DNAI4: variants seen among roughly 807,000 people sequenced by gnomAD.
DNAI4 encodes WD repeat domain 78.
Under a neutral mutation model 105.8 loss-of-function variants are expected in DNAI4, and 85 were observed. The ratio of observed to expected loss-of-function variants is 0.80; its 90% confidence interval spans 0.67 to 0.96. The LOEUF is 0.96. DNAI4 is among the 40% of genes least tolerant of loss of function. The pLI is 0.00. For synonymous variants in DNAI4, 352 were observed against 331.5 expected (o/e 1.06, Z -0.67); for missense variants, 1,014 against 1,005.6 (o/e 1.01, Z -0.11).
intron 1 of DNAI4, among the ~76,000 whole-genome samples, chr1:66,907,862 T>G (rs1314944790): frequency 6.6e-6 from 1 of 152,192 alleles, no homozygotes; most frequent in Non-Finnish European, 1.5e-5. Context: ...GCATTTCCTA[T>G]TTTTCCAGCT....
intron 9 of DNAI4, 123 bp from the exon 10 acceptor site, chr1:66,837,919 A>G: frequency 1.1e-6 from 1 of 936,832 alleles, no homozygotes. Flanking sequence ...ATCTGAGAGG[A>G]AAAAATGCCA....
At chr1:66,835,531 A>T (rs1645965979) in intron 11 of DNAI4, 95 bp downstream of exon 11, 1 of 1,316,218 alleles carries the variant, frequency 7.6e-7, no homozygotes, top group Non-Finnish European at 1.1e-6. Context: ...CACTCTCAGT[A>T]ACAACAAAAA....
At chr1:66,814,289 A>G (rs1356912854) in intron 16 of DNAI4, 109 bp from the exon 17 acceptor site, 3 of 749,082 alleles carry the variant, frequency 4.0e-6, no homozygotes, top group East Asian at 2.7e-5. Flanking sequence ...CACATATCCA[A>G]TAAGATTGTA....
intron 2 of DNAI4, among the ~76,000 whole-genome samples, chr1:66,903,989 A>G (rs1320638400): frequency 6.7e-6 from 1 of 150,312 alleles, no homozygotes; most frequent in African/African-American, 2.5e-5. Context: ...AATTTTATAT[A>G]TATATAAATA....
chr1:66,874,542 T>C (rs1646920735), intron 5 of DNAI4, among the ~76,000 whole-genome samples: 1 of 152,182 alleles, frequency 6.6e-6, no homozygotes, highest in African/African-American at 2.4e-5. Flanking sequence ...TTTAAAAATA[T>C]GGTAAAGCTA....
rs775900547 is a variant in DNAI4, at chr1:66,840,555, C to T, written c.1408G>A (p.Ala470Thr). ...AAAGACCAAAGTCGTTCCAAGTTGG[C>T]GGGTATTGTTGATTCTTCTGCATGT... is the stretch of plus-strand genomic sequence containing the variant. ...EIHAEESTIP[A>T]NLERLWSFSC... The change falls in exon 9 of 17, where the codon GCC (alanine) becomes ACC (threonine). Residue 470 changes from alanine to threonine, a missense_variant. Transcript: ENST00000371026. The T allele has an allele frequency of 6.2e-6, 10 of 1,614,062 alleles. No homozygotes were observed. Among genetic ancestry groups the T allele is most frequent in the African/African-American group, 2.7e-5 (2 of 74,908 alleles).
intron 7 of DNAI4, among the ~76,000 whole-genome samples, chr1:66,861,505 A>G (rs928435034): frequency 6.6e-6 from 1 of 152,242 alleles, no homozygotes; most frequent in African/African-American, 2.4e-5. Flanking sequence ...TTTATTTGGA[A>G]AGCTACAACT....
intron 1 of DNAI4, among the ~76,000 whole-genome samples, chr1:66,917,692 TG>T (rs1650170259): frequency 6.6e-6 from 1 of 152,252 alleles, no homozygotes; most frequent in African/African-American, 2.4e-5. Context: ...TGAGCATATT[TG>T]TTTTTCACTA....
At chr1:66,892,993 GAAAGAGAGAA>G (rs1557964674) in intron 3 of DNAI4, among the ~76,000 whole-genome samples, 5 of 117,254 alleles carry the variant, frequency 4.3e-5, no homozygotes, top group Non-Finnish European at 8.9e-5. Flanking sequence ...AAGAAAGAAA[GAAAGAGAGAA>G]AGAGAGAGAG....
At chr1:66,913,983 C>CAAA (rs530815410) in intron 1 of DNAI4, among the ~76,000 whole-genome samples, 2 of 67,206 alleles carry the variant, frequency 3.0e-5, no homozygotes, top group African/African-American at 1.1e-4. Context: ...AACTCCGTCT[C>CAAA]AAAAAAAAAA....
At chr1:66,834,806 T>A (rs1477103626) in intron 11 of DNAI4, among the ~76,000 whole-genome samples, 1 of 152,134 alleles carries the variant, frequency 6.6e-6, no homozygotes, top group Non-Finnish European at 1.5e-5. Flanking sequence ...ATTTTTAAAA[T>A]CATACATATC....
chr1:66,822,793 C>T (rs976256869), intron 15 of DNAI4, among the ~76,000 whole-genome samples: 2 of 152,050 alleles, frequency 1.3e-5, no homozygotes, highest in African/African-American at 4.8e-5. Flanking sequence ...TTTGTGTGTC[C>T]ACTTAGCTAG....
intron 7 of DNAI4, among the ~76,000 whole-genome samples, chr1:66,854,923 T>C (rs568866781): frequency 1.4e-3 from 220 of 152,332 alleles, no homozygotes; most frequent in Non-Finnish European, 2.1e-3. Context: ...ACAGTAAAGA[T>C]ATCAATTCTT....
intron 2 of DNAI4, among the ~76,000 whole-genome samples, chr1:66,904,469 A>G (rs976040785): frequency 1.3e-5 from 2 of 152,100 alleles, no homozygotes; most frequent in East Asian, 1.9e-4. Context: ...CTCCCATGCT[A>G]TCTGTTTATC....
At chr1:66,894,646 A>G (rs903941630) in intron 2 of DNAI4, among the ~76,000 whole-genome samples, 6 of 152,164 alleles carry the variant, frequency 3.9e-5, no homozygotes, top group African/African-American at 1.4e-4. Context: ...TAGGATAAGA[A>G]AGCCAATATA....
At chr1:66,891,900 T>G (rs572771004) in intron 3 of DNAI4, among the ~76,000 whole-genome samples, 2 of 152,328 alleles carry the variant, frequency 1.3e-5, no homozygotes, top group African/African-American at 4.8e-5. Context: ...TTCCTTTACT[T>G]TTTTTCTTTT....
intron 7 of DNAI4, chr1:66,848,361 C>T (rs1450397065): frequency 2.4e-6 from 1 of 418,364 alleles, no homozygotes; most frequent in East Asian, 7.1e-5. Flanking sequence ...AGACTGGGCC[C>T]AATAAGATTA....
intron 1 of DNAI4, among the ~76,000 whole-genome samples, chr1:66,914,551 A>G (rs1649922201): frequency 6.6e-6 from 1 of 152,164 alleles, no homozygotes; most frequent in Non-Finnish European, 1.5e-5. Flanking sequence ...TCCTTCTAGC[A>G]CATAAAACTT....
chr1:66,923,789 G>A (rs569643748), intron 1 of DNAI4, among the ~76,000 whole-genome samples: 4 of 152,274 alleles, frequency 2.6e-5, no homozygotes, highest in African/African-American at 7.2e-5. Flanking sequence ...GAGGGGAAGA[G>A]AAAACAAATT....
Sources: gnomAD v4.1 joint callset for allele counts (sites outside exome capture counted in the v4.1 genomes callset) on GRCh38, gnomAD v4.1.1 for gene constraint, MANE v1.5 for transcripts, NCBI Gene and HGNC (gene_info 2026-07-23, HGNC 2026-07-21) for gene names.